Variants in GRAMD2B observed in about 807,000 individuals in gnomAD.
GRAMD2B encodes the protein GRAM domain containing 2B, also known as GRAM domain-containing protein 2B.
GRAMD2B carries 41 observed loss-of-function variants against 59.2 expected under a neutral mutation model. That is an observed-to-expected ratio of 0.69 (90% confidence interval 0.54 to 0.90). The LOEUF (loss-of-function observed/expected upper bound fraction) is 0.90, where lower values mean the gene tolerates loss of function less well. Among genes scored for constraint, GRAMD2B ranks in the 40% least tolerant of loss-of-function variants. The pLI, the probability that GRAMD2B is intolerant of heterozygous loss-of-function variation, is 0.00. For missense variants in GRAMD2B, 424 were observed against 500.5 expected (o/e 0.85, Z 1.46); for synonymous variants, 161 against 182.7 (o/e 0.88, Z 0.96).
intron 1 of GRAMD2B, among the ~76,000 whole-genome samples, chr5:126,431,550 A>C (rs1000864032): frequency 2.0e-5 from 3 of 152,196 alleles, no homozygotes; most frequent in African/African-American, 7.2e-5. Flanking sequence ...GGATGATCCT[A>C]GACAGACCCC....
rs374147133 is a variant in GRAMD2B at position 126,472,194 on chromosome 5, A to G, written c.316-44A>G. On this transcript the variant is annotated intron_variant, in intron 3 of 13. Transcript: ENST00000285689. ...TGAAGTTGAATTTGTGATGTTTCAC[A>G]AGAAAGTGAGAATGGTGATGCTTGT... The G allele has an allele frequency of 2.0e-5, 29 of 1,483,862 alleles. No homozygotes were observed. In the African/African-American group the frequency reaches 3.5e-4, roughly 18 times the overall value. 91.9% of individuals were successfully genotyped at this position (1,483,862 alleles called of 1,614,324 possible).
intron 1 of GRAMD2B, among the ~76,000 whole-genome samples, chr5:126,415,076 C>T (rs1004207763): frequency 2.0e-5 from 3 of 152,038 alleles, no homozygotes; most frequent in African/African-American, 7.2e-5. Context: ...AATCACATTC[C>T]AGTACAAAGC....
intron 3 of GRAMD2B, 70 bp downstream of exon 3, chr5:126,469,858 A>G: frequency 1.9e-6 from 2 of 1,045,994 alleles, no homozygotes; most frequent in Non-Finnish European, 2.9e-6. Context: ...ACAAGAAGGA[A>G]CCCAAGTATG....
intron 1 of GRAMD2B, among the ~76,000 whole-genome samples, chr5:126,449,809 C>T (rs547648082): frequency 5.7e-4 from 87 of 152,232 alleles, no homozygotes; most frequent in African/African-American, 2.0e-3. Context: ...GGCATGAGAC[C>T]GAAACCTGGC....
chr5:126,424,930 A>G (rs1760340546), intron 1 of GRAMD2B, among the ~76,000 whole-genome samples: 1 of 152,244 alleles, frequency 6.6e-6, no homozygotes, highest in Admixed American at 6.5e-5. Flanking sequence ...CAGGTCTCCT[A>G]ACTTTACAGC....
chr5:126,463,836 T>C (rs939986803), intron 1 of GRAMD2B, among the ~76,000 whole-genome samples: 19 of 152,180 alleles, frequency 1.2e-4, no homozygotes, highest in African/African-American at 4.3e-4. Context: ...CTGGCCAACA[T>C]GGCAAAACCC....
chr5:126,465,553 C>G lies in GRAMD2B; in HGVS notation c.203+8C>G, dbSNP rs762880962. 1.7e-5 allele frequency: 28 copies of G among 1,610,530 alleles called. No individual in the cohort carries two copies. Among genetic ancestry groups the G allele is most frequent in the Non-Finnish European group, 2.3e-5 (27 of 1,178,882 alleles). ...GAAAATCATTAGCCTATGGTAAGTC[C>G]TCCGTTGACTCTCTTTGTTCTCTTT... On this transcript the variant is annotated splice_region_variant and intron_variant, in intron 2 of 13. Transcript: ENST00000285689.
At chr5:126,365,337 T>A (rs1367572404) in intron 1 of GRAMD2B, among the ~76,000 whole-genome samples, 2 of 152,182 alleles carry the variant, frequency 1.3e-5, no homozygotes, top group East Asian at 3.8e-4. Context: ...TGGGGGACGC[T>A]AATAATCATA....
At chr5:126,426,386 TTCTTTACC>T (rs1760626956) in intron 1 of GRAMD2B, among the ~76,000 whole-genome samples, 2 of 152,312 alleles carry the variant, frequency 1.3e-5, no homozygotes, top group Admixed American at 1.3e-4. Context: ...TACTCATCTC[TTCTTTACC>T]AGTGCTCACC....
chr5:126,455,403 T>A (rs13182612), intron 1 of GRAMD2B, among the ~76,000 whole-genome samples: 2 of 151,988 alleles, frequency 1.3e-5, no homozygotes, highest in Non-Finnish European at 2.9e-5. Context: ...TAATTTCTGC[T>A]TCTTCCTGCT....
chr5:126,377,879 CA>C (rs1184974110), intron 1 of GRAMD2B, among the ~76,000 whole-genome samples: 3 of 152,048 alleles, frequency 2.0e-5, no homozygotes, highest in African/African-American at 7.3e-5. Context: ...CAAATTTTTC[CA>C]ATCATCAGAT....
At chr5:126,360,182 C>G (rs77944663) in exon 1 of GRAMD2B, 148,086 of 839,602 alleles carry the variant, frequency 0.18, 14,265 homozygotes, top group East Asian at 0.27. Flanking sequence ...TCTGAGCAGA[C>G]GCTGAAAGAG....
At chr5:126,420,054 C>CAAAAAA (rs386404926), upstream of GRAMD2B, among the ~76,000 whole-genome samples, 51 of 101,566 alleles carry the variant, frequency 5.0e-4, no homozygotes, top group African/African-American at 6.5e-4. Context: ...GACTCTTTCT[C>CAAAAAA]AAAAAAAAAA....
Position 126,484,397 on chromosome 5 carries a change from A to C in GRAMD2B, c.848-5A>C, listed in dbSNP as rs190529987. ...CACTTACCCAGCTCTGTTTTGGCTT[A>C]GTAGATTTCCATGCGACAGAATCCC... On this transcript the variant is annotated splice_polypyrimidine_tract_variant and splice_region_variant and intron_variant, in intron 9 of 13. Transcript: ENST00000285689. 1.2e-6 allele frequency: 2 copies of C among 1,612,650 alleles called. No homozygotes were observed. Among genetic ancestry groups the C allele is most frequent in the Admixed American group, 3.4e-5 (2 of 59,700 alleles).
At chr5:126,487,763 G>A (rs889282017) in intron 12 of GRAMD2B, among the ~76,000 whole-genome samples, 2 of 152,118 alleles carry the variant, frequency 1.3e-5, no homozygotes, top group Non-Finnish European at 2.9e-5. Flanking sequence ...TACAGATGAA[G>A]AAACTGAGAC....
chr5:126,432,220 T>G (rs1231767403), intron 1 of GRAMD2B, among the ~76,000 whole-genome samples: 2 of 152,198 alleles, frequency 1.3e-5, no homozygotes, highest in Non-Finnish European at 2.9e-5. Context: ...TGAGCCACCA[T>G]AACCAGCCCT....
At chr5:126,492,513 G>C (rs576986075) in intron 13 of GRAMD2B, among the ~76,000 whole-genome samples, 1 of 151,960 alleles carries the variant, frequency 6.6e-6, no homozygotes, top group South Asian at 2.1e-4. Context: ...TTGAGCCCAG[G>C]AGTTCTAGAT....
chr5:126,408,959 G>T (rs543816927), intron 1 of GRAMD2B, among the ~76,000 whole-genome samples: 29 of 150,566 alleles, frequency 1.9e-4, no homozygotes, highest in Non-Finnish European at 3.7e-4. Flanking sequence ...TTGTTCCTGC[G>T]ATAGTTTACT....
intron 1 of GRAMD2B, among the ~76,000 whole-genome samples, chr5:126,408,737 G>A (rs1422995705): frequency 6.8e-6 from 1 of 147,704 alleles, no homozygotes; most frequent in Non-Finnish European, 1.5e-5. Flanking sequence ...TGTGCACAAT[G>A]TGCAGGCTAG....
Sources: gnomAD v4.1 joint callset for allele counts (sites outside exome capture counted in the v4.1 genomes callset) on GRCh38, gnomAD v4.1.1 for gene constraint, MANE v1.5 for transcripts, NCBI Gene and HGNC (gene_info 2026-07-23, HGNC 2026-07-21) for gene names.